The following ABCA13 variants were observed in gnomAD, a reference collection of about 807,000 sequenced individuals.
ABCA13 encodes ATP-binding cassette sub-family A member 13.
Under a neutral mutation model 478.7 loss-of-function variants are expected in ABCA13, and 476 were observed. The ratio of observed to expected loss-of-function variants is 0.99; its 90% confidence interval spans 0.92 to 1.07. The LOEUF (loss-of-function observed/expected upper bound fraction) is 1.07. ABCA13 is among the 50% of genes least tolerant of loss of function. The probability of loss-of-function intolerance (pLI) is 0.00; values close to 1 mark genes in which losing one functional copy is unlikely to be tolerated. For synonymous variants in ABCA13, 2,252 were observed against 2,158.9 expected, an observed-to-expected ratio of 1.04 and a Z score of -1.20; for missense variants, 6,060 against 5,910.6, an observed-to-expected ratio of 1.03 and a Z score of -0.83.
chr7:48,560,968 A>T (rs1786392478), intron 55 of ABCA13, among the ~76,000 whole-genome samples: 1 of 151,998 alleles, frequency 6.6e-6, no homozygotes, highest in African/African-American at 2.4e-5. Flanking sequence ...GTTTTTCTGT[A>T]TTTGACTTAT....
intron 28 of ABCA13, among the ~76,000 whole-genome samples, chr7:48,337,390 A>G (rs530907453): frequency 1.8e-4 from 27 of 152,372 alleles, no homozygotes; most frequent in Non-Finnish European, 3.1e-4. Context: ...AAGGAAGATA[A>G]ATAAGATTCC....
chr7:48,244,174 G>A (rs1433233593), intron 10 of ABCA13, among the ~76,000 whole-genome samples: 1 of 152,158 alleles, frequency 6.6e-6, no homozygotes, highest in East Asian at 1.9e-4. Flanking sequence ...GGACCACTGC[G>A]ATGGGTCCTG....
intron 45 of ABCA13, among the ~76,000 whole-genome samples, chr7:48,480,384 C>G (rs1828635637): frequency 6.6e-6 from 1 of 152,242 alleles, no homozygotes; most frequent in Non-Finnish European, 1.5e-5. Context: ...TAACAAAAGA[C>G]TCAGAGACAG....
rs1818891105 is a variant in ABCA13, at chr7:48,410,665, A to G, written c.12216A>G (p.Thr4072=). 1 of 1,613,234 alleles carries G rather than the reference A, an allele frequency of 6.2e-7. No homozygotes were observed. Among genetic ancestry groups the G allele is most frequent in the Non-Finnish European group, 8.5e-7 (1 of 1,179,346 alleles). ...KEAYGQGLRL[T]LTRQPSVLEA... ...CATATGGCCAGGGGCTCCGCCTGAC[A>G]CTCACGAGGCAGGTAAGGAGTGCAA... Residue 4072 remains threonine (T), a synonymous_variant, in exon 40 of 62, where the codon ACA becomes ACG. Coordinates refer to ENST00000435803, the MANE Select transcript of ABCA13 (RefSeq NM_152701.5).
rs902033114 is a variant in ABCA13, at chr7:48,248,271, C to T, written c.1692C>T (p.His564=). ...DRILQEVITW[H]KNMSVLIPEE... ...TTTTGCAAGAGGTCATTACTTGGCACAAAAATATGTCAGTTTTAATACCTG... is the reference window on the plus strand; with the variant it reads ...TTTTGCAAGAGGTCATTACTTGGCATAAAAATATGTCAGTTTTAATACCTG... Residue 564 remains histidine, a synonymous_variant, in exon 14 of 62, where the codon CAC becomes CAT. Transcript: ENST00000435803. The T allele has an allele frequency of 6.2e-7, 1 of 1,613,668 alleles. No individual in the cohort carries two copies. Among genetic ancestry groups the T allele is most frequent in the Non-Finnish European group, 8.5e-7 (1 of 1,179,712 alleles).
intron 13 of ABCA13, 97 bp from the exon 14 acceptor site, chr7:48,248,142 A>C: frequency 1.0e-6 from 1 of 956,382 alleles, no homozygotes; most frequent in Non-Finnish European, 1.6e-6. Context: ...GTTTGAGTGG[A>C]CCCCTTGTTT....
chr7:48,476,563 G>A (rs1828114413), intron 45 of ABCA13, among the ~76,000 whole-genome samples: 1 of 152,130 alleles, frequency 6.6e-6, no homozygotes, highest in Non-Finnish European at 1.5e-5. Context: ...CCCAGGAGGG[G>A]TTACTTACTC....
At chr7:48,370,366 G>C (rs922052712) in intron 32 of ABCA13, among the ~76,000 whole-genome samples, 3 of 152,034 alleles carry the variant, frequency 2.0e-5, no homozygotes, top group African/African-American at 7.2e-5. Context: ...CCTCTTTACT[G>C]ATTTGGATGC....
intron 3 of ABCA13, among the ~76,000 whole-genome samples, chr7:48,218,692 G>A (rs1786865453): frequency 6.6e-6 from 1 of 152,304 alleles, no homozygotes; most frequent in South Asian, 2.1e-4. Flanking sequence ...CACTTTGATT[G>A]TCTGGGCCAC....
intron 45 of ABCA13, 107 bp downstream of exon 45, chr7:48,471,706 C>CT: frequency 9.3e-7 from 1 of 1,078,440 alleles, no homozygotes; most frequent in Non-Finnish European, 1.3e-6. Context: ...GTCTTTATAA[C>CT]TTTTTGGTTT....
At chr7:48,178,012 A>G (rs1178465855) in intron 1 of ABCA13, among the ~76,000 whole-genome samples, 7 of 152,176 alleles carry the variant, frequency 4.6e-5, no homozygotes, top group Admixed American at 6.5e-5. Context: ...CCGAATTAAT[A>G]AAAGCAAACC....
chr7:48,459,242 A>G (rs965325726), intron 43 of ABCA13, among the ~76,000 whole-genome samples: 4 of 152,034 alleles, frequency 2.6e-5, no homozygotes, highest in African/African-American at 9.7e-5. Flanking sequence ...GGCTGGTAAG[A>G]CCTGACGGAC....
chr7:48,405,530 A>G (rs574139359), intron 39 of ABCA13, among the ~76,000 whole-genome samples: 125 of 152,360 alleles, frequency 8.2e-4, no homozygotes, highest in African/African-American at 2.8e-3. Context: ...GCAACGATTT[A>G]AACTGGACGA....
rs771387127 is a variant in ABCA13 at position 48,249,331 on chromosome 7, G to T, written c.1985G>T (p.Ser662Ile). The T allele has an allele frequency of 3.1e-6, 5 of 1,613,228 alleles. No homozygotes were observed. Among genetic ancestry groups the T allele is most frequent in the Non-Finnish European group, 4.2e-6 (5 of 1,179,400 alleles). ...GCCCAATATGTAAATATGCAAGAGA[G>T]TTTCCAGAACAGACTATTGGGTAAG... Reference protein sequence around the residue: ...EVAQYVNMQESFQNRLLAFPE... With the variant: ...EVAQYVNMQEIFQNRLLAFPE... Residue 662 changes from serine (S) to isoleucine (I), a missense_variant, in exon 15 of 62, where the codon AGT becomes ATT. Around this residue, in one of 3 missense-constraint regions of ABCA13, gnomAD observed 4,423 missense variants for 4,309.1 expected, o/e 1.03. Coordinates refer to ENST00000435803, the MANE Select transcript of ABCA13 (RefSeq NM_152701.5).
rs1795665075 is a variant in ABCA13 at position 48,271,918 on chromosome 7, C to T, written c.2252C>T (p.Ser751Phe). 1.2e-6 allele frequency: 2 copies of T among 1,613,478 alleles called. No individual in the cohort carries two copies. The highest frequency in any genetic ancestry group is 1.7e-6 in the Non-Finnish European group (2 of 1,179,666). ...TTATTGTTGCCTAATCTTTTTGACT[C>T]CTCCATTGTTCCCAGTTTCCACAGC... is the stretch of plus-strand genomic sequence containing the variant. ...EKLLLPNLFDSSIVPSFHSLP... is the reference protein window; with the variant it reads ...EKLLLPNLFDFSIVPSFHSLP... The change falls in exon 17 of 62, where the codon TCC becomes TTC. Residue 751 changes from serine (S) to phenylalanine (F), a missense_variant. Physicochemically the swap from Ser to Phe is radical, Grantham distance 155. This residue lies in a region of ABCA13 where 4,423 missense variants were observed against 4,309.1 expected (regional missense o/e 1.03). Coordinates refer to ENST00000435803, the MANE Select transcript of ABCA13 (RefSeq NM_152701.5).
chr7:48,535,096 T>C (rs925115249), intron 55 of ABCA13, among the ~76,000 whole-genome samples: 6 of 152,194 alleles, frequency 3.9e-5, no homozygotes, highest in African/African-American at 1.4e-4. Context: ...TTTTGTCATA[T>C]TACCGGAATT....
intron 55 of ABCA13, among the ~76,000 whole-genome samples, chr7:48,532,381 G>A (rs550163173): frequency 1.2e-3 from 178 of 152,170 alleles, no homozygotes; most frequent in African/African-American, 4.0e-3. Context: ...TTTTTGATAT[G>A]CTTTGGATTC....
chr7:48,594,787 C>T lies in ABCA13; in HGVS notation c.14718C>T (p.Gly4906=), dbSNP rs1255285222. 6.2e-7 allele frequency: 1 copy of T among 1,613,944 alleles called. No individual in the cohort carries two copies. The highest frequency in any genetic ancestry group is 8.5e-7 in the Non-Finnish European group (1 of 1,179,822). The change falls in exon 58 of 62, where the codon GGC becomes GGT. Residue 4906 remains glycine (G), a synonymous_variant. Coordinates refer to ENST00000435803, the MANE Select transcript of ABCA13 (RefSeq NM_152701.5). ...WQTIMKEVRE[G]CAAVLTSHSM... The stretch of plus-strand genomic sequence containing the variant: ...CAATAATGAAGGAGGTTCGGGAAGG[C>T]TGTGCTGCGGTGCTGACCTCCCACA...
intron 55 of ABCA13, among the ~76,000 whole-genome samples, chr7:48,562,798 T>C (rs946640369): frequency 2.0e-5 from 3 of 152,170 alleles, no homozygotes; most frequent in African/African-American, 7.2e-5. Context: ...GATTTTGATA[T>C]AATTTGTTAC....
Sources: allele counts gnomAD v4.1 joint callset (sites outside exome capture counted in the v4.1 genomes callset), GRCh38; gene constraint gnomAD v4.1.1; regional missense constraint gnomAD v4.1.1; transcripts MANE v1.5; gene names NCBI Gene and HGNC (gene_info 2026-07-23, HGNC 2026-07-21).